The following HSF2BP variants were observed in gnomAD, a reference collection of about 807,000 sequenced individuals.
The protein encoded by HSF2BP is heat shock factor 2-binding protein.
Under a neutral mutation model 35.0 loss-of-function variants are expected in HSF2BP, and 35 were observed. The observed-to-expected ratio is 1.00, with a 90% CI of 0.76 to 1.32. HSF2BP has a LOEUF of 1.32. HSF2BP is among the 40% of genes most tolerant of loss of function. The pLI, the probability that HSF2BP is intolerant of heterozygous loss-of-function variation, is 0.00. For missense variants in HSF2BP, 326 were observed against 321.7 expected (o/e 1.01, Z -0.10); for synonymous variants, 114 against 117.4 (o/e 0.97, Z 0.18).
the HSF2BP span, among the ~76,000 whole-genome samples, chr21:43,496,017 G>GCA: frequency 0.02 from 2,382 of 121,880 alleles, 313 homozygotes; most frequent in East Asian, 0.08. Context: ...AAACACACGT[G>GCA]CACACACACA....
chr21:43,606,851 T>C (rs1169261517), intron 7 of HSF2BP, among the ~76,000 whole-genome samples: 2 of 152,068 alleles, frequency 1.3e-5, no homozygotes, highest in Non-Finnish European at 2.9e-5. Context: ...AAAATTCGCA[T>C]GAGATTGGAA....
chr21:43,594,267 G>A (rs891961925), intron 7 of HSF2BP, among the ~76,000 whole-genome samples: 2 of 152,156 alleles, frequency 1.3e-5, no homozygotes, highest in South Asian at 2.1e-4. Context: ...GGAAAATGAC[G>A]TTGGAAGAAT....
intron 6 of HSF2BP, among the ~76,000 whole-genome samples, chr21:43,615,641 T>G (rs1479115362): frequency 6.6e-6 from 1 of 152,204 alleles, no homozygotes; most frequent in Non-Finnish European, 1.5e-5. Flanking sequence ...ATGACAGCCA[T>G]AACTTTATTG....
At position 43,635,580 on chromosome 21, in the gene HSF2BP, C is replaced by G. The variant is rs186341971; in HGVS notation, c.292-2159G>C. On this transcript the variant is annotated intron_variant, in intron 4 of 8. Transcript: ENST00000291560. Reference sequence around the variant, plus strand: ...AGGATAGTCTTTTCAACAACTGATGCTAAAACAACCGAATATTCATATGCA... The same window carrying G: ...AGGATAGTCTTTTCAACAACTGATGGTAAAACAACCGAATATTCATATGCA... Among the ~76,000 whole-genome samples the G allele has an allele frequency of 6.6e-5, 10 of 152,056 alleles. 1 individual carries two copies. The highest frequency in any genetic ancestry group is 5.9e-4 in the Admixed American group (9 of 15,272).
chr21:43,648,516 G>A (rs1434106849), intron 3 of HSF2BP, among the ~76,000 whole-genome samples: 1 of 151,948 alleles, frequency 6.6e-6, no homozygotes, highest in Admixed American at 6.6e-5. Context: ...TCCAGGCACT[G>A]GTTCCCCCAA....
intron 8 of HSF2BP, among the ~76,000 whole-genome samples, chr21:43,588,793 G>A (rs555141867): frequency 1.3e-5 from 2 of 152,256 alleles, no homozygotes; most frequent in South Asian, 4.1e-4. Context: ...TACCTTACAG[G>A]TCAGGTCTAG....
chr21:43,606,253 G>A (rs147156959), intron 7 of HSF2BP, among the ~76,000 whole-genome samples: 2 of 152,280 alleles, frequency 1.3e-5, no homozygotes, highest in African/African-American at 2.4e-5. Flanking sequence ...GAGAAATGAC[G>A]AGAGTCCGTG....
In HSF2BP at chr21:43,592,313, G is replaced by A; in HGVS notation, c.708C>T (p.Ser236=). Residue 236 remains serine, a synonymous_variant, in exon 8 of 9, where the codon TCC becomes TCT. Transcript: ENST00000291560. Reference sequence around the variant, plus strand: ...TCAAATTGATGCTTACATTGTATAGGGACATCAGCATTAGCCTGAAATGTA... The same window carrying A: ...TCAAATTGATGCTTACATTGTATAGAGACATCAGCATTAGCCTGAAATGTA... ...CTKLKVLMLM[S]LYNVSINLKG... is the part of the protein sequence containing the mutation. The A allele has an allele frequency of 6.2e-7, 1 of 1,611,414 alleles. No individual in the cohort carries two copies. The highest frequency in any genetic ancestry group is 8.5e-7 in the Non-Finnish European group (1 of 1,177,654).
At chr21:43,609,282 G>C (rs2146895610) in intron 7 of HSF2BP, among the ~76,000 whole-genome samples, 1 of 152,260 alleles carries the variant, frequency 6.6e-6, no homozygotes, top group Non-Finnish European at 1.5e-5. Flanking sequence ...ACTCCAAAAG[G>C]AGAGAGGGAG....
Position 43,592,444 on chromosome 21 carries a change from T to A in HSF2BP, c.693-116A>T, listed in dbSNP as rs1018848638. On this transcript the variant is annotated intron_variant, in intron 7 of 8. Coordinates refer to ENST00000291560, the MANE Select transcript of HSF2BP (RefSeq NM_007031.2). ...TTTAGAGCTTCCCTCACATTTTAGA[T>A]GTCCAATTCTATAATGTGAATTAAT... 31 of 650,138 alleles carry A rather than the reference T, an allele frequency of 4.8e-5. 2 individuals carry two copies. Among genetic ancestry groups the A allele is most frequent in the South Asian group, 4.0e-4 (21 of 51,998 alleles). 40.3% of individuals were successfully genotyped at this position (650,138 alleles called of 1,614,324 possible). A position where few individuals can be genotyped will look rare whatever the true frequency, so the allele number is the denominator to read the frequency against.
At chr21:43,638,429 G>A (rs1335401546) in intron 4 of HSF2BP, among the ~76,000 whole-genome samples, 1 of 152,166 alleles carries the variant, frequency 6.6e-6, no homozygotes, top group Non-Finnish European at 1.5e-5. Context: ...CTGCACTCCA[G>A]CCTGGGGGAC....
At chr21:43,506,117 C>G in the HSF2BP span, among the ~76,000 whole-genome samples, 3 of 133,404 alleles carry the variant, frequency 2.2e-5, 1 homozygote, top group East Asian at 6.3e-4. Context: ...GCCGGCTCTT[C>G]CTTCGCGGGA....
rs577735741 is a variant in HSF2BP at position 43,580,988 on chromosome 21, A to G, written c.796+11237T>C. Among the ~76,000 whole-genome samples the G allele has an allele frequency of 1.1e-4, 17 of 152,374 alleles. No individual in the cohort carries two copies. The South Asian group carries it at 3.3e-3, about 30-fold the overall frequency. ...CAGACACTGAAGGGAATCAGATGCC[A>G]TATCAGAAGGCAACTGGTGCCATGG... On this transcript the variant is annotated intron_variant, in intron 8 of 8. Coordinates refer to ENST00000291560, the MANE Select transcript of HSF2BP (RefSeq NM_007031.2).
At chr21:43,625,511 G>A (rs1352258945) in intron 6 of HSF2BP, among the ~76,000 whole-genome samples, 1 of 151,732 alleles carries the variant, frequency 6.6e-6, no homozygotes, top group Non-Finnish European at 1.5e-5. Flanking sequence ...GTGGGTAAAT[G>A]ACTGTATACT....
chr21:43,642,581 G>T (rs111511985), intron 4 of HSF2BP, among the ~76,000 whole-genome samples: 1 of 151,230 alleles, frequency 6.6e-6, no homozygotes, highest in African/African-American at 2.4e-5. Context: ...ACCTTGCAGG[G>T]GCTTCCCTCT....
chr21:43,596,387 T>C (rs2081987550), intron 7 of HSF2BP, among the ~76,000 whole-genome samples: 1 of 147,350 alleles, frequency 6.8e-6, no homozygotes, highest in African/African-American at 2.5e-5. Context: ...GCTAGTGAAA[T>C]ACACACACAC....
At chr21:43,493,700 A>AGCTCTGCTACGTGGCTCT in the HSF2BP span, among the ~76,000 whole-genome samples, 27 of 29,682 alleles carry the variant, frequency 9.1e-4, no homozygotes, top group African/African-American at 2.7e-3. Flanking sequence ...TACGTGGCTC[A>AGCTCTGCTACGTGGCTCT]GCTCTGCCAC....
chr21:43,630,465 GAA>G lies in HSF2BP; in HGVS notation c.442-13_442-12del. 1 of 1,606,298 alleles carries G rather than the reference GAA, an allele frequency of 6.2e-7. No individual in the cohort carries two copies. The highest frequency in any genetic ancestry group is 8.5e-7 in the Non-Finnish European group (1 of 1,177,512). On this transcript the variant is annotated splice_polypyrimidine_tract_variant and intron_variant, in intron 5 of 8. Transcript: ENST00000291560. Reference sequence around the variant, plus strand: ...CTTCAAAGCTTTATCCTGAAAGTTTGAAAATCAGAGTGTCATATCTTTTTACA... The same window carrying G: ...CTTCAAAGCTTTATCCTGAAAGTTTGAATCAGAGTGTCATATCTTTTTACA...
intron 4 of HSF2BP, among the ~76,000 whole-genome samples, chr21:43,643,373 G>C (rs902807970): frequency 6.6e-6 from 1 of 152,172 alleles, no homozygotes; most frequent in African/African-American, 2.4e-5. Context: ...AGTGAGAGGT[G>C]TATGGGTCAT....
Sources: allele counts gnomAD v4.1 joint callset (sites outside exome capture counted in the v4.1 genomes callset), GRCh38; gene constraint gnomAD v4.1.1; transcripts MANE v1.5; gene names NCBI Gene and HGNC (gene_info 2026-07-23, HGNC 2026-07-21).